Variants in XRCC5 observed in about 807,000 individuals in gnomAD.
The protein encoded by XRCC5 is X-ray repair cross complementing 5.
Under a neutral mutation model 95.7 loss-of-function variants are expected in XRCC5, and 12 were observed. That is an observed-to-expected ratio of 0.13 (90% CI 0.08 to 0.20). The LOEUF is 0.20. XRCC5 is among the 10% of genes least tolerant of loss of function. The probability of loss-of-function intolerance (pLI) is 1.00; values close to 1 mark genes in which losing one functional copy is unlikely to be tolerated. For synonymous variants in XRCC5, 281 were observed against 290.3 expected (o/e 0.97, Z 0.33); for missense variants, 595 against 873.9 (o/e 0.68, Z 4.02).
intron 16 of XRCC5, among the ~76,000 whole-genome samples, chr2:216,186,885 A>AT (rs41302502): frequency 0.029 from 4,463 of 152,190 alleles, 216 homozygotes; most frequent in African/African-American, 0.1. Flanking sequence ...ATAGAATATT[A>AT]TTTTTTCAGC....
chr2:216,175,528 A>G, intron 16 of XRCC5: 1 of 441,438 alleles, frequency 2.3e-6, no homozygotes, highest in Non-Finnish European at 4.4e-6. Flanking sequence ...TCAAAAGTTA[A>G]AAGTGCACAT....
intron 19 of XRCC5, among the ~76,000 whole-genome samples, chr2:216,202,246 A>G (rs1689845459): frequency 6.6e-6 from 1 of 152,196 alleles, no homozygotes; most frequent in Non-Finnish European, 1.5e-5. Flanking sequence ...TCTACTGTTT[A>G]TTCTCTTGCC....
intron 16 of XRCC5, chr2:216,175,348 AC>A (rs1268737972): frequency 2.1e-6 from 1 of 467,578 alleles, no homozygotes; most frequent in African/African-American, 2.0e-5. Flanking sequence ...TACTTGCACC[AC>A]TTCCAGAGTT....
chr2:216,185,744 C>T (rs1251348533), intron 16 of XRCC5, among the ~76,000 whole-genome samples: 24 of 149,708 alleles, frequency 1.6e-4, no homozygotes, highest in African/African-American at 5.7e-4. Flanking sequence ...GGCATGATCT[C>T]GGCTCACTGC....
intron 1 of XRCC5, among the ~76,000 whole-genome samples, chr2:216,109,709 C>T (rs1696550676): frequency 7.0e-6 from 1 of 143,156 alleles, no homozygotes; most frequent in African/African-American, 2.6e-5. Flanking sequence ...CATCCCTCTT[C>T]TCCCTCTCTA....
intron 16 of XRCC5, among the ~76,000 whole-genome samples, chr2:216,178,341 G>A (rs974977875): frequency 6.6e-6 from 1 of 152,124 alleles, no homozygotes; most frequent in Non-Finnish European, 1.5e-5. Flanking sequence ...CTTCTTTATT[G>A]TCTCCCTCCC....
At chr2:216,183,734 A>G (rs1188585489) in intron 16 of XRCC5, among the ~76,000 whole-genome samples, 1 of 152,160 alleles carries the variant, frequency 6.6e-6, no homozygotes, top group African/African-American at 2.4e-5. Context: ...AACAGTTTCT[A>G]GAAGGTGGAA....
intron 9 of XRCC5, 48 bp downstream of exon 9, chr2:216,131,035 A>G: frequency 6.6e-7 from 1 of 1,520,762 alleles, no homozygotes; most frequent in Non-Finnish European, 9.0e-7. Context: ...CTGTTATTTG[A>G]AATGGTATGC....
At chr2:216,179,661 A>T (rs1415446260) in intron 16 of XRCC5, among the ~76,000 whole-genome samples, 4 of 152,174 alleles carry the variant, frequency 2.6e-5, no homozygotes, top group African/African-American at 9.7e-5. Context: ...GCTCAAGATG[A>T]CTATGCTTGG....
At chr2:216,115,437 G>A (rs3770521) in intron 2 of XRCC5, among the ~76,000 whole-genome samples, 45,722 of 152,060 alleles carry the variant, frequency 0.3, 7,620 homozygotes, top group East Asian at 0.67. Context: ...TAAGATGGAT[G>A]CTTGTCTAGG....
intron 16 of XRCC5, among the ~76,000 whole-genome samples, chr2:216,179,905 G>A (rs1348723211): frequency 6.6e-6 from 1 of 152,296 alleles, no homozygotes; most frequent in East Asian, 1.9e-4. Context: ...AGGCTTCGGC[G>A]TTAATCCACG....
intron 16 of XRCC5, among the ~76,000 whole-genome samples, chr2:216,172,899 A>G (rs1689196690): frequency 6.6e-6 from 1 of 152,182 alleles, no homozygotes; most frequent in Non-Finnish European, 1.5e-5. Context: ...TTACTCATTT[A>G]TTTAGATCTT....
chr2:216,167,570 TTGTG>T (rs58499938), intron 16 of XRCC5, among the ~76,000 whole-genome samples: 6,979 of 138,366 alleles, frequency 0.05, 158 homozygotes, highest in Admixed American at 0.068. Context: ...GTGTGTGGGT[TTGTG>T]TGTGTGTGTG....
At chr2:216,117,521 C>A in intron 3 of XRCC5, 2 of 490,818 alleles carry the variant, frequency 4.1e-6, no homozygotes, top group South Asian at 3.7e-5. Context: ...GTTAGATTAC[C>A]TTTTGTTTAT....
rs1696893446 is a variant in XRCC5, at chr2:216,125,910, T to C, written c.684-7T>C. 3.1e-6 allele frequency: 5 copies of C among 1,609,056 alleles called. No homozygotes were observed. The highest frequency in any genetic ancestry group is 3.4e-6 in the Non-Finnish European group (4 of 1,175,778). ...GTTGCTTTCATTTTATATTTTTCTT[T>C]ATTAAGTGAGAGTCTGAGAAAACTG... On this transcript the variant is annotated splice_polypyrimidine_tract_variant and splice_region_variant and intron_variant, in intron 6 of 20. Transcript: ENST00000392132.
chr2:216,115,286 T>G (rs557955303), intron 2 of XRCC5, among the ~76,000 whole-genome samples: 1 of 152,256 alleles, frequency 6.6e-6, no homozygotes, highest in African/African-American at 2.4e-5. Flanking sequence ...GGTGTTTTTT[T>G]GTTTGTTTGT....
At chr2:216,155,006 G>A (rs1367649001) in intron 14 of XRCC5, among the ~76,000 whole-genome samples, 1 of 151,430 alleles carries the variant, frequency 6.6e-6, no homozygotes, top group Non-Finnish European at 1.5e-5. Flanking sequence ...CAATAACCAA[G>A]TAGAAAATAA....
intron 19 of XRCC5, among the ~76,000 whole-genome samples, chr2:216,203,310 C>T (rs565622016): frequency 2.0e-5 from 3 of 152,132 alleles, no homozygotes; most frequent in Non-Finnish European, 4.4e-5. Context: ...GTAGAAGTGC[C>T]CCACTTTCCA....
At chr2:216,124,092 G>A (rs1313867065) in intron 6 of XRCC5, among the ~76,000 whole-genome samples, 3 of 152,188 alleles carry the variant, frequency 2.0e-5, no homozygotes, top group Non-Finnish European at 2.9e-5. Flanking sequence ...TGTTTGAAGT[G>A]TCTATTGGGC....
Sources: allele counts gnomAD v4.1 joint callset (sites outside exome capture counted in the v4.1 genomes callset), GRCh38; gene constraint gnomAD v4.1.1; transcripts MANE v1.5; gene names NCBI Gene and HGNC (gene_info 2026-07-23, HGNC 2026-07-21).